The following SLC9C1 variants were observed in gnomAD, a reference collection of about 807,000 sequenced individuals.
SLC9C1 encodes sodium/hydrogen exchanger 10.
In SLC9C1, 97 loss-of-function variants were observed where a neutral mutation model predicts 140.9. That is an observed-to-expected ratio of 0.69 (90% confidence interval 0.58 to 0.82). The LOEUF is 0.82. Ranked by LOEUF, SLC9C1 falls within the 40% of genes least tolerant of loss-of-function variation. SLC9C1 has a pLI of 0.00. For missense variants in SLC9C1, 1,340 were observed against 1,389.3 expected (o/e 0.96, Z 0.56); for synonymous variants, 440 against 442.6 (o/e 0.99, Z 0.07).
chr3:112,167,471 C>T, intron 25 of SLC9C1, 124 bp from the exon 26 acceptor site: 1 of 935,080 alleles, frequency 1.1e-6, no homozygotes, highest in South Asian at 2.0e-5. Flanking sequence ...ATTAACAAAT[C>T]AACACAAATA....
In SLC9C1 at chr3:112,167,317, C is replaced by T; in HGVS notation, c.3268G>A (p.Val1090Met). 4 of 1,603,334 alleles carry T rather than the reference C, an allele frequency of 2.5e-6. No homozygotes were observed. The highest frequency in any genetic ancestry group is 3.4e-6 in the Non-Finnish European group (4 of 1,175,994). Residue 1090 changes from valine to methionine, a missense_variant, in exon 26 of 29, where the codon GTG becomes ATG. Coordinates refer to ENST00000305815, the MANE Select transcript of SLC9C1 (RefSeq NM_183061.3). ...IQSIEDFTKV[V>M]IIQTPINMKT... Reference sequence around the variant, plus strand: ...ATGTTAATCGGAGTTTGAATAATCACTACTTTTGTGAAATCTTCAATACTT... The same window carrying T: ...ATGTTAATCGGAGTTTGAATAATCATTACTTTTGTGAAATCTTCAATACTT...
intron 20 of SLC9C1, among the ~76,000 whole-genome samples, chr3:112,198,788 T>A (rs1449187847): frequency 1.3e-5 from 2 of 152,002 alleles, no homozygotes; most frequent in Non-Finnish European, 2.9e-5. Context: ...AAATTTTGTA[T>A]GTGTATTTAC....
At chr3:112,266,485 T>C (rs889350439) in intron 7 of SLC9C1, 145 bp from the exon 8 acceptor site, 3 of 599,924 alleles carry the variant, frequency 5.0e-6, no homozygotes, top group Non-Finnish European at 8.6e-6. Context: ...CTGAAAAATA[T>C]TGCAAATTAT....
intron 11 of SLC9C1, among the ~76,000 whole-genome samples, chr3:112,241,223 G>A (rs2079130101): frequency 6.6e-6 from 1 of 152,080 alleles, no homozygotes; most frequent in Non-Finnish European, 1.5e-5. Flanking sequence ...TGAAGGGATG[G>A]ATATCCTATT....
At position 112,154,966 on chromosome 3, in the gene SLC9C1, A is replaced by G. The variant is rs560064004; in HGVS notation, c.3417+31T>C. The stretch of plus-strand genomic sequence containing the variant: ...TTCTAGACTCTCTTTTACCCAAAAT[A>G]CAACTTTTAGAAAGGCTGCTTTAAA... On this transcript the variant is annotated intron_variant, in intron 27 of 28. Transcript: ENST00000305815. 482 of 1,595,044 alleles carry G rather than the reference A, an allele frequency of 3.0e-4. 6 individuals are homozygous for G. The South Asian group carries it at 5.2e-3, about 17-fold the overall frequency.
intron 20 of SLC9C1, among the ~76,000 whole-genome samples, chr3:112,194,492 A>G (rs1250553705): frequency 1.3e-5 from 2 of 152,166 alleles, no homozygotes; most frequent in African/African-American, 4.8e-5. Context: ...GGGTGAAGGA[A>G]ATGAGTACCA....
At chr3:112,286,172 T>C (rs889925461) in intron 2 of SLC9C1, among the ~76,000 whole-genome samples, 14 of 152,134 alleles carry the variant, frequency 9.2e-5, no homozygotes, top group African/African-American at 3.4e-4. Flanking sequence ...AAAAAGCCCA[T>C]AACAAATATT....
chr3:112,290,927 T>G (rs1380960722), intron 1 of SLC9C1, among the ~76,000 whole-genome samples: 1 of 152,188 alleles, frequency 6.6e-6, no homozygotes, highest in Non-Finnish European at 1.5e-5. Flanking sequence ...CTCCATCCAT[T>G]TCTTTCGATC....
chr3:112,151,990 G>A, intron 27 of SLC9C1, 27 bp from the exon 28 acceptor site: 4 of 1,552,990 alleles, frequency 2.6e-6, no homozygotes, highest in Non-Finnish European at 3.5e-6. Flanking sequence ...TTTGTTACTT[G>A]ATGTCATGAT....
chr3:112,190,928 AACACACAC>A (rs56930611), intron 20 of SLC9C1, among the ~76,000 whole-genome samples: 57 of 138,790 alleles, frequency 4.1e-4, no homozygotes, highest in East Asian at 1.6e-3. Flanking sequence ...ACTTTTTTTA[AACACACAC>A]ACACACACAC....
intron 23 of SLC9C1, among the ~76,000 whole-genome samples, chr3:112,169,802 A>G (rs965727899): frequency 1.3e-5 from 2 of 152,148 alleles, no homozygotes; most frequent in Admixed American, 6.5e-5. Context: ...CATTCAATCT[A>G]TAGGTTGCTT....
At chr3:112,213,662 C>G (rs1399295994) in intron 15 of SLC9C1, among the ~76,000 whole-genome samples, 1 of 152,118 alleles carries the variant, frequency 6.6e-6, no homozygotes, top group East Asian at 1.9e-4. Context: ...GCTAGCTATC[C>G]TAAATATATA....
chr3:112,280,590 G>A, intron 3 of SLC9C1, 93 bp downstream of exon 3: 1 of 982,394 alleles, frequency 1.0e-6, no homozygotes, highest in Non-Finnish European at 1.5e-6. Context: ...AGAACAGTGA[G>A]GGGATGAATA....
chr3:112,269,037 T>C (rs1343356301), intron 7 of SLC9C1, among the ~76,000 whole-genome samples: 1 of 152,264 alleles, frequency 6.6e-6, no homozygotes, highest in Non-Finnish European at 1.5e-5. Flanking sequence ...TTACTTGATA[T>C]GTAACTTCTA....
rs762888290 is a variant in SLC9C1 at position 112,264,191 on chromosome 3, T to C, written c.1022+9A>G. 6 of 1,090,490 alleles carry C rather than the reference T, an allele frequency of 5.5e-6. No individual in the cohort carries two copies. In the East Asian group the frequency reaches 1.7e-4, roughly 30 times the overall value. 67.6% of individuals were successfully genotyped at this position (1,090,490 alleles called of 1,614,324 possible). On this transcript the variant is annotated intron_variant, in intron 9 of 28. Coordinates refer to ENST00000305815, the MANE Select transcript of SLC9C1 (RefSeq NM_183061.3). ...TCTATAAATAGAAAAATTTTAATGA[T>C]GTTCTTACCTTAAAACAATCAATGT...
At chr3:112,150,830 ATATATATATATTT>A (rs1560003571) in intron 28 of SLC9C1, among the ~76,000 whole-genome samples, 491 of 38,884 alleles carry the variant, frequency 0.013, 4 homozygotes, top group Admixed American at 0.032. Context: ...ACATATATAT[ATATATATATATTT>A]TTTTTTTTTT....
At chr3:112,273,289 C>T (rs1474632673) in intron 6 of SLC9C1, among the ~76,000 whole-genome samples, 1 of 151,950 alleles carries the variant, frequency 6.6e-6, no homozygotes, top group Non-Finnish European at 1.5e-5. Context: ...CCTTTGCACC[C>T]TGGGTTTTAG....
At chr3:112,202,523 C>G in intron 17 of SLC9C1, 124 bp from the exon 18 acceptor site, 1 of 894,742 alleles carries the variant, frequency 1.1e-6, no homozygotes, top group Admixed American at 2.7e-5. Context: ...CTACAATAAC[C>G]TGTCAAGGTT....
chr3:112,265,849 T>C (rs1208301029), intron 8 of SLC9C1, among the ~76,000 whole-genome samples: 1 of 152,136 alleles, frequency 6.6e-6, no homozygotes, highest in African/African-American at 2.4e-5. Context: ...TAGATTTTTT[T>C]TGCCTTAAGT....
Sources: allele counts gnomAD v4.1 joint callset (sites outside exome capture counted in the v4.1 genomes callset), GRCh38; gene constraint gnomAD v4.1.1; transcripts MANE v1.5; gene names NCBI Gene and HGNC (gene_info 2026-07-23, HGNC 2026-07-21).